Variants in SMYD2 observed in about 807,000 individuals in gnomAD.
The protein encoded by SMYD2 is N-lysine methyltransferase SMYD2.
Under a neutral mutation model 59.1 loss-of-function variants are expected in SMYD2, and 53 were observed. The observed-to-expected ratio is 0.90, with a 90% CI of 0.72 to 1.13. The LOEUF is 1.13. Among genes scored for constraint, SMYD2 ranks in the 50% most tolerant of loss-of-function variants. The pLI is 0.00. For synonymous variants in SMYD2, 208 were observed against 198.8 expected, an observed-to-expected ratio of 1.05 and a Z score of -0.39; for missense variants, 494 against 544.7, an observed-to-expected ratio of 0.91 and a Z score of 0.93.
intron 2 of SMYD2, among the ~76,000 whole-genome samples, chr1:214,307,685 G>C (rs1026993623): frequency 1.3e-5 from 2 of 152,122 alleles, no homozygotes; most frequent in Non-Finnish European, 2.9e-5. Context: ...GTATTTTGAT[G>C]AATCGTCATG....
chr1:214,284,528 G>A (rs1340749147), intron 1 of SMYD2, among the ~76,000 whole-genome samples: 2 of 150,012 alleles, frequency 1.3e-5, no homozygotes, highest in Non-Finnish European at 3.0e-5. Context: ...GAGCCACTGC[G>A]CCGGGCCAAG....
intron 5 of SMYD2, among the ~76,000 whole-genome samples, chr1:214,322,596 C>G (rs1657191557): frequency 6.6e-6 from 1 of 152,180 alleles, no homozygotes; most frequent in Non-Finnish European, 1.5e-5. Flanking sequence ...TTTCAAGCCC[C>G]TGCGTTTGGC....
At chr1:214,324,445 A>G (rs980046059) in intron 5 of SMYD2, among the ~76,000 whole-genome samples, 196 bp from the exon 6 acceptor site, 2 of 137,356 alleles carry the variant, frequency 1.5e-5, no homozygotes, top group African/African-American at 2.7e-5. Context: ...ATGCATCACA[A>G]TTCTGCTTGT....
chr1:214,294,447 G>A (rs1172689955), intron 1 of SMYD2, among the ~76,000 whole-genome samples: 3 of 152,192 alleles, frequency 2.0e-5, no homozygotes, highest in African/African-American at 7.2e-5. Context: ...ACGGGCGGAT[G>A]GCTTGAGGAC....
chr1:214,300,047 C>T (rs762913043), intron 1 of SMYD2, among the ~76,000 whole-genome samples: 74 of 152,280 alleles, frequency 4.9e-4, no homozygotes, highest in Non-Finnish European at 8.7e-4. Context: ...ATGCTCACTA[C>T]CTGGGTGATG....
chr1:214,296,121 T>A (rs905529165), intron 1 of SMYD2, among the ~76,000 whole-genome samples: 5 of 152,262 alleles, frequency 3.3e-5, no homozygotes, highest in Admixed American at 1.3e-4. Flanking sequence ...TAAGCATTCA[T>A]TTCAGTAGCA....
At chr1:214,329,375 G>C (rs552479956) in intron 7 of SMYD2, among the ~76,000 whole-genome samples, 2 of 152,280 alleles carry the variant, frequency 1.3e-5, no homozygotes, top group South Asian at 4.1e-4. Flanking sequence ...AGATCCATCT[G>C]TTCAGTCAGA....
In SMYD2 at chr1:214,318,750, T is replaced by G. The variant is rs761108693; in HGVS notation, c.410-109T>G. On this transcript the variant is annotated intron_variant, in intron 4 of 11. Coordinates refer to ENST00000366957, the MANE Select transcript of SMYD2 (RefSeq NM_020197.3). The surrounding 1 kb of genome is among the most constrained non-coding windows in gnomAD (Gnocchi z 5.4). ...GGGGTTCAACATGTTAGTTTTGGGT[T>G]TTTTTTTTTTCGCCCGTTCCTTTCC... is the stretch of plus-strand genomic sequence containing the variant. 184 of 1,222,290 alleles carry G rather than the reference T, an allele frequency of 1.5e-4. 1 individual carries two copies. The highest frequency in any genetic ancestry group is 1.9e-4 in the Non-Finnish European group (172 of 920,146). 75.7% of individuals were successfully genotyped at this position (1,222,290 alleles called of 1,614,324 possible).
chr1:214,316,734 A>C (rs1372551616), intron 3 of SMYD2, among the ~76,000 whole-genome samples: 2 of 152,080 alleles, frequency 1.3e-5, no homozygotes, highest in Admixed American at 6.6e-5. Context: ...CCGAAATGCT[A>C]CCTCGCCAGC....
chr1:214,286,037 A>G (rs1441364828), intron 1 of SMYD2, among the ~76,000 whole-genome samples: 1 of 152,246 alleles, frequency 6.6e-6, no homozygotes, highest in African/African-American at 2.4e-5. Context: ...TTGTTAGTGC[A>G]TGACCTTATT....
At chr1:214,286,815 C>G (rs6682161) in intron 1 of SMYD2, among the ~76,000 whole-genome samples, 1 of 148,296 alleles carries the variant, frequency 6.7e-6, no homozygotes, top group Non-Finnish European at 1.5e-5. Flanking sequence ...CAGTACAACC[C>G]TAGCACATAG....
At chr1:214,323,803 A>G (rs1657210453) in intron 5 of SMYD2, among the ~76,000 whole-genome samples, 1 of 152,208 alleles carries the variant, frequency 6.6e-6, no homozygotes, top group Admixed American at 6.5e-5. Flanking sequence ...TTGAAAGGCA[A>G]GGTCTCAGTG....
chr1:214,336,959 C>A lies in SMYD2; in HGVS notation c.*175C>A. The A allele has an allele frequency of 1.9e-6, 1 of 524,910 alleles. No homozygotes were observed. The highest frequency in any genetic ancestry group is 3.3e-6 in the Non-Finnish European group (1 of 307,374). The allele number at this position is 524,910 out of a possible 1,614,324, so 32.5% of individuals were successfully genotyped here. On this transcript the variant is annotated 3_prime_UTR_variant, in exon 12 of 12. Transcript: ENST00000366957. ...CTTTGAGGTTAGTCTGAATCTTGAA[C>A]TTTAATACCAAATTAATTTTGAATG... is the stretch of plus-strand genomic sequence containing the variant.
intron 1 of SMYD2, among the ~76,000 whole-genome samples, chr1:214,292,581 A>G (rs993008736): frequency 6.6e-6 from 1 of 152,214 alleles, no homozygotes; most frequent in Admixed American, 6.5e-5. Context: ...TTTGCGAAAT[A>G]TATTAGTCTC....
At chr1:214,301,565 TC>T (rs35605172) in intron 1 of SMYD2, among the ~76,000 whole-genome samples, 56,345 of 151,834 alleles carry the variant, frequency 0.37, 11,147 homozygotes, top group East Asian at 0.52. Flanking sequence ...AGATAAGTCT[TC>T]AGTATTGAGA....
At chr1:214,281,520 G>C in intron 1 of SMYD2, 93 bp downstream of exon 1, 1 of 1,160,628 alleles carries the variant, frequency 8.6e-7, no homozygotes, top group South Asian at 4.0e-5. Context: ...GCGGCTCGCG[G>C]GGTCCTAGCG....
chr1:214,295,930 A>G (rs1656718971), intron 1 of SMYD2, among the ~76,000 whole-genome samples: 1 of 152,066 alleles, frequency 6.6e-6, no homozygotes, highest in Non-Finnish European at 1.5e-5. Flanking sequence ...TCTTATTTCA[A>G]CCTATGGTGA....
chr1:214,296,874 TTTCTTAA>T (rs1451746311), intron 1 of SMYD2, among the ~76,000 whole-genome samples: 2 of 152,216 alleles, frequency 1.3e-5, no homozygotes, highest in Non-Finnish European at 1.5e-5. Flanking sequence ...TGAGGTTTTC[TTTCTTAA>T]AACTTGCACC....
At chr1:214,309,634 C>A (rs1158523476) in intron 2 of SMYD2, among the ~76,000 whole-genome samples, 2 of 152,084 alleles carry the variant, frequency 1.3e-5, no homozygotes, top group Non-Finnish European at 2.9e-5. Context: ...AAGTATAGAA[C>A]ATGTCTAATA....
Sources: allele counts gnomAD v4.1 joint callset (sites outside exome capture counted in the v4.1 genomes callset), GRCh38; gene constraint gnomAD v4.1.1; non-coding constraint Gnocchi (gnomAD v3.1); transcripts MANE v1.5; gene names NCBI Gene and HGNC (gene_info 2026-07-23, HGNC 2026-07-21).